The following GABRG3 variants were observed in gnomAD, a reference collection of about 807,000 sequenced individuals.
GABRG3 encodes the protein gamma-aminobutyric acid type A receptor subunit gamma3.
Under a neutral mutation model 48.8 loss-of-function variants are expected in GABRG3, and 25 were observed. The ratio of observed to expected loss-of-function variants is 0.51; its 90% CI spans 0.37 to 0.72. The LOEUF is 0.72. Ranked by LOEUF, GABRG3 falls within the 30% of genes least tolerant of loss-of-function variation. GABRG3 has a pLI of 0.00. For synonymous variants in GABRG3, 227 were observed against 217.6 expected, an observed-to-expected ratio of 1.04 and a Z score of -0.38; for missense variants, 394 against 577.9, an observed-to-expected ratio of 0.68 and a Z score of 3.26.
chr15:27,275,064 C>A (rs1439078754), intron 3 of GABRG3, among the ~76,000 whole-genome samples: 4 of 152,106 alleles, frequency 2.6e-5, no homozygotes, highest in African/African-American at 9.7e-5. Flanking sequence ...AACTTGGAGC[C>A]ACAGCGTGCT....
At chr15:27,436,634 G>A (rs1273575600) in intron 5 of GABRG3, among the ~76,000 whole-genome samples, 1 of 152,154 alleles carries the variant, frequency 6.6e-6, no homozygotes, top group Non-Finnish European at 1.5e-5. Context: ...TTAACCTGGA[G>A]GGCTGGAAGA....
intron 5 of GABRG3, among the ~76,000 whole-genome samples, chr15:27,430,956 C>A (rs2140622798): frequency 6.6e-6 from 1 of 151,664 alleles, no homozygotes; most frequent in Admixed American, 6.6e-5. Context: ...CTGCACTGTG[C>A]TCCAGCCTGG....
In GABRG3 at chr15:27,512,317, A is replaced by G. The variant is rs1890915908; in HGVS notation, c.713-7655A>G. ...TGTGGTTGGAATCTGAGCATGTTTA[A>G]TGCATTTTTATGGAGTAAATATATA... On this transcript the variant is annotated intron_variant, in intron 6 of 9. Coordinates refer to ENST00000615808, the MANE Select transcript of GABRG3 (RefSeq NM_033223.5). Among the ~76,000 whole-genome samples the G allele has an allele frequency of 2.6e-5, 4 of 152,222 alleles. No homozygotes were observed. In the South Asian group the frequency reaches 8.3e-4, roughly 32 times the overall value.
intron 3 of GABRG3, among the ~76,000 whole-genome samples, chr15:27,292,095 T>A (rs1368054865): frequency 6.6e-6 from 1 of 152,226 alleles, no homozygotes. Context: ...GCTTCATCCA[T>A]GTCCCTGCAA....
At chr15:27,444,223 T>G (rs72707634) in intron 5 of GABRG3, among the ~76,000 whole-genome samples, 3,484 of 152,244 alleles carry the variant, frequency 0.023, 55 homozygotes, top group Non-Finnish European at 0.032. Flanking sequence ...GTTTTTCAAA[T>G]CTTCTTACTA....
intron 5 of GABRG3, among the ~76,000 whole-genome samples, chr15:27,478,315 A>G (rs1890010122): frequency 6.6e-6 from 1 of 152,198 alleles, no homozygotes; most frequent in South Asian, 2.1e-4. Flanking sequence ...CAACAATATA[A>G]AAACAACCCA....
At chr15:27,513,117 T>C (rs1890936255) in intron 6 of GABRG3, among the ~76,000 whole-genome samples, 1 of 151,264 alleles carries the variant, frequency 6.6e-6, no homozygotes, top group Admixed American at 6.6e-5. Flanking sequence ...CCAGGAGATA[T>C]TTGGGGGAGG....
intron 6 of GABRG3, among the ~76,000 whole-genome samples, chr15:27,493,992 G>C (rs1013332338): frequency 6.6e-6 from 1 of 151,980 alleles, no homozygotes; most frequent in Non-Finnish European, 1.5e-5. Context: ...TGGTTATTCT[G>C]GTTTTATAAA....
Position 27,319,999 on chromosome 15 carries a change from G to A in GABRG3, c.271-6810G>A, listed in dbSNP as rs756286912. Reference sequence around the variant, plus strand: ...GGATGTCTATAGCAATGTGCAAGGGGCACCTGCTTCCACCAGGGGGTCCTG... The same window carrying A: ...GGATGTCTATAGCAATGTGCAAGGGACACCTGCTTCCACCAGGGGGTCCTG... On this transcript the variant is annotated intron_variant, in intron 3 of 9. Transcript: ENST00000615808. This position sits in a 1 kb window ranked among gnomAD's most constrained non-coding sequence, Gnocchi z 4.4. Among the ~76,000 whole-genome samples, 1 of 152,078 alleles carries A rather than the reference G, an allele frequency of 6.6e-6. No individual in the cohort carries two copies. The highest frequency in any genetic ancestry group is 1.5e-5 in the Non-Finnish European group (1 of 68,008).
chr15:27,164,728 C>T (rs1289357412), intron 3 of GABRG3, among the ~76,000 whole-genome samples: 2 of 152,212 alleles, frequency 1.3e-5, no homozygotes, highest in Admixed American at 6.5e-5. Flanking sequence ...ATGAGATTTA[C>T]GTCGAACCTT....
Position 27,180,197 on chromosome 15 carries a change from A to G in GABRG3, c.271-146612A>G, listed in dbSNP as rs1001455303. On this transcript the variant is annotated intron_variant, in intron 3 of 9. Transcript: ENST00000615808. The surrounding 1 kb of genome is among the most constrained non-coding windows in gnomAD (Gnocchi z 4.2). ...TTGAGCCTGCCCATAATGAACACAC[A>G]CTTTTTCTGAAGGACCTTAGCACGG... Among the ~76,000 whole-genome samples the G allele has an allele frequency of 6.6e-6, 1 of 152,134 alleles. No homozygotes were observed.
chr15:27,383,933 A>G (rs1006783029), intron 5 of GABRG3, among the ~76,000 whole-genome samples: 4 of 152,230 alleles, frequency 2.6e-5, no homozygotes, highest in African/African-American at 9.6e-5. Context: ...CAGTAGTGGA[A>G]TGTTGGTGGA....
chr15:27,499,927 G>A (rs1890578020), intron 6 of GABRG3, among the ~76,000 whole-genome samples: 1 of 152,212 alleles, frequency 6.6e-6, no homozygotes, highest in Non-Finnish European at 1.5e-5. Flanking sequence ...TGGTGGAACA[G>A]GTGACTCTGG....
intron 2 of GABRG3, among the ~76,000 whole-genome samples, chr15:27,021,720 G>T (rs1895899350): frequency 6.6e-6 from 1 of 152,138 alleles, no homozygotes. Context: ...GTGTGTGCCT[G>T]TAGTCCTAGT....
chr15:27,103,751 T>C (rs990363745), intron 3 of GABRG3, among the ~76,000 whole-genome samples: 1 of 152,178 alleles, frequency 6.6e-6, no homozygotes. Flanking sequence ...GGTCATTCTC[T>C]CAAGGTGACC....
chr15:27,116,178 G>C (rs935899495), intron 3 of GABRG3, among the ~76,000 whole-genome samples: 3 of 152,194 alleles, frequency 2.0e-5, no homozygotes, highest in African/African-American at 7.2e-5. Context: ...AGGGTGGTGA[G>C]TTCTGGCTAA....
At chr15:27,150,913 A>C (rs929105627) in intron 3 of GABRG3, among the ~76,000 whole-genome samples, 1 of 152,220 alleles carries the variant, frequency 6.6e-6, no homozygotes, top group Non-Finnish European at 1.5e-5. Flanking sequence ...GGAGTTCAGC[A>C]GGGATTTTTA....
At chr15:27,132,471 G>GTTTTTTTT (rs59023766) in intron 3 of GABRG3, among the ~76,000 whole-genome samples, 5 of 39,588 alleles carry the variant, frequency 1.3e-4, no homozygotes, top group African/African-American at 4.4e-4. Flanking sequence ...AGTAGTTACA[G>GTTTTTTTT]TTTTTTTTTT....
chr15:27,093,041 G>A (rs1897216797), intron 3 of GABRG3, among the ~76,000 whole-genome samples: 1 of 152,164 alleles, frequency 6.6e-6, no homozygotes, highest in African/African-American at 2.4e-5. Flanking sequence ...CTACCCCACG[G>A]ACTCCTCTAG....
Sources: allele counts gnomAD v4.1 joint callset (sites outside exome capture counted in the v4.1 genomes callset), GRCh38; gene constraint gnomAD v4.1.1; non-coding constraint Gnocchi (gnomAD v3.1); transcripts MANE v1.5; gene names NCBI Gene and HGNC (gene_info 2026-07-23, HGNC 2026-07-21).